AGBL4: variants seen among roughly 807,000 people sequenced by gnomAD.
The protein encoded by AGBL4 is cytosolic carboxypeptidase 6.
A neutral mutation model predicts 66.4 loss-of-function variants in AGBL4; 58 were observed. That is an observed-to-expected ratio of 0.87 (90% CI 0.71 to 1.09). The LOEUF is 1.09. Ranked by LOEUF, AGBL4 falls within the 50% of genes least tolerant of loss-of-function variation. AGBL4 has a pLI of 0.00. For missense variants in AGBL4, 579 were observed against 631.0 expected, an observed-to-expected ratio of 0.92 and a Z score of 0.88; for synonymous variants, 234 against 222.9, an observed-to-expected ratio of 1.05 and a Z score of -0.44.
intron 6 of AGBL4, among the ~76,000 whole-genome samples, chr1:48,707,283 GACCCTATATCCAAAACAACAACAACAACA>G (rs1327223664): frequency 3.3e-5 from 5 of 152,082 alleles, no homozygotes; most frequent in Non-Finnish European, 7.4e-5. Context: ...GACAGAGTGA[GACCCTATATCCAAAACAACAACAACAACA>G]ACAACAAAAA....
At chr1:49,886,023 C>T (rs1429205881) in intron 1 of AGBL4, among the ~76,000 whole-genome samples, 1 of 152,124 alleles carries the variant, frequency 6.6e-6, no homozygotes, top group Non-Finnish European at 1.5e-5. Flanking sequence ...AAAACAGTGG[C>T]TCATTTTTCC....
At chr1:49,384,391 A>G (rs1644691414) in intron 3 of AGBL4, among the ~76,000 whole-genome samples, 1 of 151,830 alleles carries the variant, frequency 6.6e-6, no homozygotes, top group Non-Finnish European at 1.5e-5. Flanking sequence ...CAGGAGCTCG[A>G]GACCACCCTG....
At chr1:49,944,802 C>CA (rs1207057598) in intron 1 of AGBL4, among the ~76,000 whole-genome samples, 2 of 149,952 alleles carry the variant, frequency 1.3e-5, no homozygotes, top group Non-Finnish European at 3.0e-5. Context: ...TTAAAGAAAC[C>CA]AAAAAAAACA....
At chr1:49,947,337 T>C (rs1455233735) in intron 1 of AGBL4, among the ~76,000 whole-genome samples, 5 of 152,016 alleles carry the variant, frequency 3.3e-5, no homozygotes, top group Admixed American at 1.3e-4. Context: ...ATTGAAAAGT[T>C]AATCCACCAT....
At chr1:49,317,951 C>A (rs1372459064) in intron 3 of AGBL4, among the ~76,000 whole-genome samples, 1 of 151,932 alleles carries the variant, frequency 6.6e-6, no homozygotes, top group Non-Finnish European at 1.5e-5. Flanking sequence ...CAAAAATAGT[C>A]AATTATTTAT....
intron 3 of AGBL4, among the ~76,000 whole-genome samples, chr1:49,419,738 C>G (rs908070774): frequency 7.2e-5 from 11 of 152,232 alleles, no homozygotes; most frequent in Non-Finnish European, 1.2e-4. Context: ...GGTAATAATT[C>G]CCTGTGAACT....
In AGBL4 at chr1:49,044,235, C is replaced by A. The variant is rs1248926397; in HGVS notation, c.594+1349G>T. Among the ~76,000 whole-genome samples, 3 of 152,106 alleles carry A rather than the reference C, an allele frequency of 2.0e-5. No individual in the cohort carries two copies. The East Asian group carries it at 5.8e-4, about 29-fold the overall frequency. On this transcript the variant is annotated intron_variant, in intron 5 of 13. Coordinates refer to ENST00000371839, the MANE Select transcript of AGBL4 (RefSeq NM_032785.4). ...GGAAGAGGCAGGGTACGGTGGCTCA[C>A]ATCTGTAATCCCAGCACTTTGGGAG...
intron 6 of AGBL4, chr1:48,759,177 C>T (rs756896304): frequency 9.3e-6 from 15 of 1,613,862 alleles, no homozygotes; most frequent in East Asian, 6.7e-5. Context: ...AGACCTCTTC[C>T]GGACACGTGC....
At chr1:49,506,557 C>T (rs1648707508) in intron 3 of AGBL4, among the ~76,000 whole-genome samples, 1 of 151,888 alleles carries the variant, frequency 6.6e-6, no homozygotes, top group Admixed American at 6.6e-5. Flanking sequence ...TTTTGCCTAC[C>T]AGTATGTAAG....
At chr1:49,383,673 G>T (rs1644670878) in intron 3 of AGBL4, among the ~76,000 whole-genome samples, 2 of 151,896 alleles carry the variant, frequency 1.3e-5, no homozygotes. Context: ...CTAAATGTAA[G>T]ATCTGAAACT....
At chr1:49,718,156 G>A (rs903164686) in intron 2 of AGBL4, among the ~76,000 whole-genome samples, 1 of 152,052 alleles carries the variant, frequency 6.6e-6, no homozygotes, top group African/African-American at 2.4e-5. Flanking sequence ...AGAGGTAGGA[G>A]GTGATGGGTC....
At chr1:49,675,446 C>T (rs908402387) in intron 3 of AGBL4, among the ~76,000 whole-genome samples, 10 of 151,592 alleles carry the variant, frequency 6.6e-5, no homozygotes, top group South Asian at 2.1e-4. Flanking sequence ...GGAGGTAAGC[C>T]GGGAAAAATT....
intron 5 of AGBL4, among the ~76,000 whole-genome samples, chr1:49,045,125 A>G (rs1265555369): frequency 6.6e-6 from 1 of 152,178 alleles, no homozygotes; most frequent in African/African-American, 2.4e-5. Flanking sequence ...ATCACAACCA[A>G]ACTGCACACC....
chr1:49,631,502 C>T (rs975032774), intron 3 of AGBL4, among the ~76,000 whole-genome samples: 2 of 152,176 alleles, frequency 1.3e-5, no homozygotes, highest in African/African-American at 4.8e-5. Context: ...ATTGTACCTA[C>T]AAGACAATCC....
intron 1 of AGBL4, among the ~76,000 whole-genome samples, chr1:50,012,769 T>C (rs887714584): frequency 6.6e-6 from 1 of 152,186 alleles, no homozygotes; most frequent in African/African-American, 2.4e-5. Flanking sequence ...TTGGCAACTT[T>C]TGATAGCCTA....
Position 49,931,055 on chromosome 1 carries a change from A to G in AGBL4, c.35-79537T>C, listed in dbSNP as rs1004615990. Among the ~76,000 whole-genome samples the G allele has an allele frequency of 2.6e-5, 4 of 152,274 alleles. No homozygotes were observed. In the South Asian group the frequency reaches 8.3e-4, roughly 32 times the overall value. ...ACTAGAAATAATTAATGAGTATAAC[A>G]AGATTGCAGGATACAATGTCAATGA... On this transcript the variant is annotated intron_variant, in intron 1 of 13. Coordinates refer to ENST00000371839, the MANE Select transcript of AGBL4 (RefSeq NM_032785.4).
intron 1 of AGBL4, chr1:49,994,950 T>C (rs1572028990): frequency 1.4e-5 from 5 of 356,974 alleles, no homozygotes; most frequent in South Asian, 8.6e-5. Context: ...GAGCGAAATA[T>C]AGGAATAGAG....
intron 1 of AGBL4, among the ~76,000 whole-genome samples, chr1:49,929,274 G>T (rs925890604): frequency 1.3e-5 from 2 of 151,600 alleles, no homozygotes; most frequent in Admixed American, 1.3e-4. Context: ...ATATACCTTT[G>T]TAACAAACCT....
chr1:49,936,819 T>C (rs1007270370), intron 1 of AGBL4, among the ~76,000 whole-genome samples: 5 of 152,008 alleles, frequency 3.3e-5, no homozygotes, highest in Admixed American at 1.3e-4. Context: ...AGGCCTGCCA[T>C]AAAAGAGCTC....
Sources: allele counts gnomAD v4.1 joint callset (sites outside exome capture counted in the v4.1 genomes callset), GRCh38; gene constraint gnomAD v4.1.1; transcripts MANE v1.5; gene names NCBI Gene and HGNC (gene_info 2026-07-23, HGNC 2026-07-21).